Variants in RFX3 observed in about 807,000 individuals in gnomAD.
The protein encoded by RFX3 is regulatory factor X3, also known as transcription factor RFX3.
Under a neutral mutation model 98.6 loss-of-function variants are expected in RFX3, and 14 were observed. The observed-to-expected ratio is 0.14, with a 90% CI of 0.09 to 0.22. RFX3 has a LOEUF of 0.22. Ranked by LOEUF, RFX3 falls within the 10% of genes least tolerant of loss-of-function variation. The pLI is 1.00. For missense variants in RFX3, 639 were observed against 926.9 expected, an observed-to-expected ratio of 0.69 and a Z score of 4.03; for synonymous variants, 383 against 328.4, an observed-to-expected ratio of 1.17 and a Z score of -1.80.
intron 1 of RFX3, among the ~76,000 whole-genome samples, chr9:3,461,682 A>G (rs1050577995): frequency 2.6e-5 from 4 of 151,976 alleles, no homozygotes; most frequent in Non-Finnish European, 4.4e-5. Context: ...GACTTCACAA[A>G]ATGTTTACAT....
At chr9:3,497,127 T>A (rs1442660807) in intron 1 of RFX3, among the ~76,000 whole-genome samples, 7 of 152,034 alleles carry the variant, frequency 4.6e-5, no homozygotes, top group Admixed American at 4.6e-4. Context: ...ATGCCATACC[T>A]CGTGATGTGA....
In RFX3 at chr9:3,248,196, A is replaced by G; in HGVS notation, c.1815-11T>C. ...CGAATAACCATTGAGCTGTTCCAAG[A>G]GAAAAGACAAATATGCAGCTAACAT... is the stretch of plus-strand genomic sequence containing the variant. On this transcript the variant is annotated splice_polypyrimidine_tract_variant and intron_variant, in intron 14 of 16. Transcript: ENST00000617270. 6.9e-6 allele frequency: 11 copies of G among 1,586,020 alleles called. No individual in the cohort carries two copies. Among genetic ancestry groups the G allele is most frequent in the Non-Finnish European group, 9.4e-6 (11 of 1,165,280 alleles).
At chr9:3,448,502 A>T (rs1364318132) in intron 1 of RFX3, among the ~76,000 whole-genome samples, 1 of 151,994 alleles carries the variant, frequency 6.6e-6, no homozygotes, top group Non-Finnish European at 1.5e-5. Flanking sequence ...TACAACCCAC[A>T]TATTTCTTTT....
At chr9:3,488,771 C>T (rs1850485251) in intron 1 of RFX3, 1 of 985,066 alleles carries the variant, frequency 1.0e-6, no homozygotes, top group Non-Finnish European at 1.2e-6. Flanking sequence ...TTACAGAGGA[C>T]TTACGCAGAA....
chr9:3,237,991 T>A (rs832308), intron 15 of RFX3, among the ~76,000 whole-genome samples: 113,489 of 146,870 alleles, frequency 0.77, 46,180 homozygotes, highest in East Asian at 0.97. Context: ...AAAAAAAAAA[T>A]TGTGTGCTCC....
intron 3 of RFX3, among the ~76,000 whole-genome samples, chr9:3,335,166 T>C (rs1039802116): frequency 4.0e-5 from 6 of 151,862 alleles, no homozygotes; most frequent in Non-Finnish European, 8.8e-5. Flanking sequence ...TTAGCCATTG[T>C]CCCTTAAAGG....
Position 3,344,673 on chromosome 9 carries a change from C to T in RFX3, c.215+1994G>A, listed in dbSNP as rs41306108. The T allele has an allele frequency of 6.9e-3, 4,072 of 589,782 alleles. 20 individuals carry two copies. The highest frequency in any genetic ancestry group is 9.5e-3 in the Non-Finnish European group (3,127 of 327,970). 36.5% of individuals were successfully genotyped at this position (589,782 alleles called of 1,614,324 possible). On this transcript the variant is annotated intron_variant, in intron 3 of 16. Coordinates refer to ENST00000617270, the MANE Select transcript of RFX3 (RefSeq NM_001282116.2). Reference sequence around the variant, plus strand: ...TACAAACTCCCATTCTCACATTCCCCTGCAGGTGCCCATTACTACTTGTCA... The same window carrying T: ...TACAAACTCCCATTCTCACATTCCCTTGCAGGTGCCCATTACTACTTGTCA...
At chr9:3,325,973 A>C (rs933736657) in intron 4 of RFX3, among the ~76,000 whole-genome samples, 12 of 152,150 alleles carry the variant, frequency 7.9e-5, no homozygotes, top group African/African-American at 2.9e-4. Flanking sequence ...CTTAATGTCC[A>C]TGTGCTACTG....
intron 1 of RFX3, among the ~76,000 whole-genome samples, chr9:3,500,655 A>T (rs572759396): frequency 6.6e-6 from 1 of 152,238 alleles, no homozygotes; most frequent in East Asian, 1.9e-4. Context: ...ATGTATGAAA[A>T]CCTTTTAAAA....
At position 3,366,775 on chromosome 9, in the gene RFX3, C is replaced by A. The variant is rs546583685; in HGVS notation, c.118-20011G>T. 2.9e-5 allele frequency among the ~76,000 whole-genome samples: 3 copies of A among 104,494 alleles called. No homozygotes were observed. The South Asian group carries it at 1.1e-3, about 40-fold the overall frequency. The allele number at this position is 104,494 out of a possible 152,430, so 68.6% of individuals were successfully genotyped here. A position where few individuals can be genotyped will look rare whatever the true frequency, so the allele number is the denominator to read the frequency against. The stretch of plus-strand genomic sequence containing the variant: ...CTTTTTGGCTATTCTTATGTACATT[C>A]AAAAGTCATCTGGGTGTTTCAGTTG... On this transcript the variant is annotated intron_variant, in intron 2 of 16. Transcript: ENST00000617270.
At chr9:3,326,890 C>CTATGCAT (rs1357419695) in intron 4 of RFX3, among the ~76,000 whole-genome samples, 2 of 152,172 alleles carry the variant, frequency 1.3e-5, no homozygotes, top group Non-Finnish European at 2.9e-5. Context: ...ATTACACTTA[C>CTATGCAT]TGATAGCCCC....
At chr9:3,500,614 A>G (rs1014410788) in intron 1 of RFX3, among the ~76,000 whole-genome samples, 1 of 152,196 alleles carries the variant, frequency 6.6e-6, no homozygotes, top group African/African-American at 2.4e-5. Context: ...CTGTATGACA[A>G]GAAAAATTTA....
At chr9:3,321,115 G>A (rs534712277) in intron 4 of RFX3, among the ~76,000 whole-genome samples, 1 of 151,994 alleles carries the variant, frequency 6.6e-6, no homozygotes, top group East Asian at 1.9e-4. Context: ...TGTTGGTCAG[G>A]CTGGTCTCGA....
intron 14 of RFX3, among the ~76,000 whole-genome samples, chr9:3,255,871 CTA>C (rs1822065832): frequency 6.6e-6 from 1 of 152,126 alleles, no homozygotes; most frequent in South Asian, 2.1e-4. Flanking sequence ...TATTAATAAG[CTA>C]TGTTACTGTC....
At chr9:3,327,752 G>C (rs1035949624) in intron 4 of RFX3, among the ~76,000 whole-genome samples, 2 of 151,786 alleles carry the variant, frequency 1.3e-5, no homozygotes, top group Non-Finnish European at 2.9e-5. Context: ...ACTATTCCCA[G>C]TTTTTATAAT....
chr9:3,360,823 T>C (rs978698774), intron 2 of RFX3, among the ~76,000 whole-genome samples: 1 of 152,204 alleles, frequency 6.6e-6, no homozygotes, highest in Admixed American at 6.5e-5. Flanking sequence ...TTATTTCGGA[T>C]GTGCTTCAAG....
intron 11 of RFX3, among the ~76,000 whole-genome samples, chr9:3,267,722 A>C (rs1369157484): frequency 6.6e-6 from 1 of 151,912 alleles, no homozygotes; most frequent in Non-Finnish European, 1.5e-5. Context: ...GTTAGTCAAA[A>C]AAAGAAAAAG....
intron 1 of RFX3, among the ~76,000 whole-genome samples, chr9:3,454,032 G>T (rs1846922851): frequency 6.6e-6 from 1 of 152,070 alleles, no homozygotes; most frequent in Admixed American, 6.5e-5. Flanking sequence ...AAATATATTA[G>T]CTGTTTAAAT....
intron 3 of RFX3, among the ~76,000 whole-genome samples, chr9:3,342,162 T>C (rs992477236): frequency 1.3e-5 from 2 of 152,240 alleles, no homozygotes; most frequent in Admixed American, 6.5e-5. Context: ...AATGTCAATA[T>C]ATATTAGTGT....
Sources: allele counts gnomAD v4.1 joint callset (sites outside exome capture counted in the v4.1 genomes callset), GRCh38; gene constraint gnomAD v4.1.1; transcripts MANE v1.5; gene names NCBI Gene and HGNC (gene_info 2026-07-23, HGNC 2026-07-21).